TRDN: variants seen among roughly 807,000 people sequenced by gnomAD.
The protein encoded by TRDN is triadin, also known as triadin in skeletal muscle.
TRDN carries 161 observed loss-of-function variants against 149.7 expected under a neutral mutation model. The observed-to-expected ratio is 1.08, with a 90% confidence interval of 0.95 to 1.23. The LOEUF is 1.23. Ranked by LOEUF, TRDN falls within the 50% of genes most tolerant of loss-of-function variation. The probability of loss-of-function intolerance (pLI) is 0.00; values close to 1 mark genes in which losing one functional copy is unlikely to be tolerated. For synonymous variants in TRDN, 294 were observed against 250.5 expected (o/e 1.17, Z -1.64); for missense variants, 896 against 823.5 (o/e 1.09, Z -1.08).
chr6:123,593,932 G>A (rs1783910540), intron 1 of TRDN, among the ~76,000 whole-genome samples: 1 of 152,216 alleles, frequency 6.6e-6, no homozygotes, highest in South Asian at 2.1e-4. Flanking sequence ...ATAAAATTTT[G>A]ATTAAATTGT....
chr6:123,530,620 G>C, intron 4 of TRDN, 55 bp from the exon 5 acceptor site: 1 of 1,046,188 alleles, frequency 9.6e-7, no homozygotes, highest in Non-Finnish European at 1.3e-6. Context: ...TAAAATTTAA[G>C]CCATAGCTAT....
chr6:123,430,751 A>G (rs117993975), intron 12 of TRDN, among the ~76,000 whole-genome samples: 3,756 of 152,264 alleles, frequency 0.025, 44 homozygotes, highest in Middle Eastern at 0.054. Context: ...TATTTTTAAC[A>G]TGAACCTTCG....
intron 24 of TRDN, among the ~76,000 whole-genome samples, chr6:123,307,419 A>C (rs2114682074): frequency 6.6e-6 from 1 of 152,190 alleles, no homozygotes; most frequent in East Asian, 1.9e-4. Context: ...TATCATAAAC[A>C]TGAAGACAGT....
rs1774985876 is a variant in TRDN at position 123,216,816 on chromosome 6, C to G, written c.*1785G>C. On this transcript the variant is annotated 3_prime_UTR_variant, in exon 41 of 41. Coordinates refer to ENST00000334268, the MANE Select transcript of TRDN (RefSeq NM_006073.4). ...ATATTTTTCTTGTACAATACAGCAC[C>G]TAACACAGCGCCCTAAAAGAGTAGG... 6.6e-6 allele frequency: 1 copy of G among 151,858 alleles called. No homozygotes were observed. Among genetic ancestry groups the G allele is most frequent in the Admixed American group, 6.6e-5 (1 of 15,208 alleles). 9.4% of individuals were successfully genotyped at this position (151,858 alleles called of 1,614,324 possible).
intron 5 of TRDN, among the ~76,000 whole-genome samples, chr6:123,526,339 G>A (rs1308703505): frequency 1.3e-5 from 2 of 151,978 alleles, no homozygotes; most frequent in Admixed American, 1.3e-4. Context: ...AGGTCAACCA[G>A]CAGGAAGCAA....
chr6:123,475,861 C>T (rs1170443621), intron 9 of TRDN, among the ~76,000 whole-genome samples: 2 of 152,188 alleles, frequency 1.3e-5, no homozygotes, highest in African/African-American at 2.4e-5. Context: ...TTCAGCAACC[C>T]GTCATGCTAA....
At chr6:123,320,045 A>C (rs1389677305) in intron 23 of TRDN, among the ~76,000 whole-genome samples, 1 of 152,126 alleles carries the variant, frequency 6.6e-6, no homozygotes, top group African/African-American at 2.4e-5. Flanking sequence ...AATTTATTCA[A>C]TATATAAATC....
chr6:123,346,789 C>T (rs1046945547), intron 21 of TRDN, among the ~76,000 whole-genome samples: 2 of 151,838 alleles, frequency 1.3e-5, no homozygotes, highest in Non-Finnish European at 2.9e-5. Flanking sequence ...GTGTGGAGTT[C>T]GAACTGTGTT....
chr6:123,375,837 T>A (rs892882157), intron 18 of TRDN, among the ~76,000 whole-genome samples: 2 of 152,158 alleles, frequency 1.3e-5, no homozygotes, highest in Admixed American at 6.5e-5. Flanking sequence ...TTATAGAATT[T>A]TATTGTTTGT....
chr6:123,632,803 G>A (rs570189989), intron 1 of TRDN, among the ~76,000 whole-genome samples: 63 of 151,988 alleles, frequency 4.1e-4, no homozygotes, highest in African/African-American at 1.4e-3. Context: ...TGTCATGCTA[G>A]ATGATATAAC....
chr6:123,337,733 C>T (rs573593481), intron 21 of TRDN, 64 bp from the exon 22 acceptor site: 48 of 975,918 alleles, frequency 4.9e-5, no homozygotes, highest in Non-Finnish European at 7.1e-5. Flanking sequence ...ATGCAAGTCT[C>T]TTCATGTGTT....
At position 123,218,470 on chromosome 6, in the gene TRDN, C is replaced by A; in HGVS notation, c.*131G>T. ...TCCATTTGGCCACCCTTTCCGTCCA[C>A]ACCAGGCCAAAGAGCAAAATGTTTT... is the stretch of plus-strand genomic sequence containing the variant. On this transcript the variant is annotated 3_prime_UTR_variant, in exon 41 of 41. Transcript: ENST00000334268. The A allele has an allele frequency of 8.9e-7, 1 of 1,119,294 alleles. No homozygotes were observed. The highest frequency in any genetic ancestry group is 1.2e-6 in the Non-Finnish European group (1 of 803,546). The allele number at this position is 1,119,294 out of a possible 1,614,324, so 69.3% of individuals were successfully genotyped here.
chr6:123,630,997 AC>A (rs1462270701), intron 1 of TRDN, among the ~76,000 whole-genome samples: 1 of 151,376 alleles, frequency 6.6e-6, no homozygotes, highest in Non-Finnish European at 1.5e-5. Flanking sequence ...CTTAAGTAAA[AC>A]TCCATGCACT....
chr6:123,403,541 C>A (rs1226815212), intron 12 of TRDN, among the ~76,000 whole-genome samples: 1 of 151,960 alleles, frequency 6.6e-6, no homozygotes, highest in Non-Finnish European at 1.5e-5. Flanking sequence ...AATGGGAAGA[C>A]AATTAGGGTA....
intron 24 of TRDN, among the ~76,000 whole-genome samples, chr6:123,313,757 C>T (rs1028273003): frequency 3.3e-5 from 5 of 151,958 alleles, no homozygotes; most frequent in Admixed American, 6.6e-5. Context: ...ACAGGATTCC[C>T]TATTCAATAA....
At chr6:123,379,556 A>C (rs931617902) in intron 16 of TRDN, among the ~76,000 whole-genome samples, 2 of 152,326 alleles carry the variant, frequency 1.3e-5, no homozygotes, top group Admixed American at 1.3e-4. Flanking sequence ...TCAAAAAAGT[A>C]CTGGAAGCAG....
chr6:123,530,404 T>C (rs1429333707), intron 5 of TRDN, 102 bp downstream of exon 5: 2 of 632,114 alleles, frequency 3.2e-6, no homozygotes, highest in Non-Finnish European at 4.6e-6. Flanking sequence ...TTATTTAATA[T>C]CAAAAATGTT....
At chr6:123,628,853 A>G (rs1785813641) in intron 1 of TRDN, among the ~76,000 whole-genome samples, 1 of 152,130 alleles carries the variant, frequency 6.6e-6, no homozygotes, top group Non-Finnish European at 1.5e-5. Context: ...AACCTCTGGC[A>G]TGACATACTG....
chr6:123,466,285 C>G (rs780174250), intron 9 of TRDN, among the ~76,000 whole-genome samples: 4 of 152,148 alleles, frequency 2.6e-5, no homozygotes, highest in Non-Finnish European at 5.9e-5. Context: ...CATTATCTTT[C>G]TTTCCCTAGC....
Sources: allele counts gnomAD v4.1 joint callset (sites outside exome capture counted in the v4.1 genomes callset), GRCh38; gene constraint gnomAD v4.1.1; transcripts MANE v1.5; gene names NCBI Gene and HGNC (gene_info 2026-07-23, HGNC 2026-07-21).